SEMA6D: variants seen among roughly 807,000 people sequenced by gnomAD.
SEMA6D encodes the protein semaphorin-6D.
In SEMA6D, 35 loss-of-function variants were observed where a neutral mutation model predicts 106.6. The ratio of observed to expected loss-of-function variants is 0.33; its 90% CI spans 0.25 to 0.44. SEMA6D has a LOEUF of 0.44. Among genes scored for constraint, SEMA6D ranks in the 20% least tolerant of loss-of-function variants. The probability of loss-of-function intolerance (pLI) is 1.00; values close to 1 mark genes in which losing one functional copy is unlikely to be tolerated. For synonymous variants in SEMA6D, 499 were observed against 487.7 expected (o/e 1.02, Z -0.31); for missense variants, 1,185 against 1,345.9 (o/e 0.88, Z 1.87).
intron 2 of SEMA6D, among the ~76,000 whole-genome samples, chr15:47,464,158 A>G (rs977288411): frequency 1.3e-5 from 2 of 152,116 alleles, no homozygotes; most frequent in Admixed American, 6.6e-5. Context: ...CATTCAACCC[A>G]TGTAGTGACC....
In SEMA6D at chr15:47,772,664, T is replaced by G. The variant is rs1377794993; in HGVS notation, c.*879T>G. ...TTCCAGTCTTGCCAGCTTAAGGAGA[T>G]CAAGATATTAAGAGGTATCCTTGAT... On this transcript the variant is annotated 3_prime_UTR_variant, in exon 19 of 19. Coordinates refer to ENST00000536845, the MANE Select transcript of SEMA6D (RefSeq NM_001358351.3). The G allele has an allele frequency of 6.6e-6, 1 of 152,492 alleles. No homozygotes were observed. The highest frequency in any genetic ancestry group is 2.4e-5 in the African/African-American group (1 of 41,384). The allele number at this position is 152,492 out of a possible 1,614,324, so 9.4% of individuals were successfully genotyped here. A position where few individuals can be genotyped will look rare whatever the true frequency, so the allele number is the denominator to read the frequency against.
intron 1 of SEMA6D, among the ~76,000 whole-genome samples, chr15:47,739,290 T>C (rs2080647377): frequency 6.6e-6 from 1 of 152,158 alleles, no homozygotes; most frequent in Admixed American, 6.5e-5. Context: ...CTAGTAGATA[T>C]TATAGCACCA....
intron 1 of SEMA6D, among the ~76,000 whole-genome samples, chr15:47,725,034 A>C (rs1292011247): frequency 2.6e-5 from 4 of 152,210 alleles, no homozygotes; most frequent in Non-Finnish European, 5.9e-5. Flanking sequence ...TTTTTTCTTA[A>C]ACTTGAAAAG....
chr15:47,325,158 C>T (rs1361947569), intron 1 of SEMA6D, among the ~76,000 whole-genome samples: 3 of 100,826 alleles, frequency 3.0e-5, no homozygotes, highest in East Asian at 5.7e-4. Context: ...CAGGGTGAAG[C>T]GTTTTTTTTT....
chr15:47,291,430 G>A (rs141674551), intron 1 of SEMA6D, among the ~76,000 whole-genome samples: 226 of 152,230 alleles, frequency 1.5e-3, no homozygotes, highest in African/African-American at 4.8e-3. Flanking sequence ...CTCCAGCACT[G>A]GACTCTCACC....
At chr15:47,498,537 T>G (rs1384177344) in intron 3 of SEMA6D, among the ~76,000 whole-genome samples, 1 of 152,152 alleles carries the variant, frequency 6.6e-6, no homozygotes, top group Non-Finnish European at 1.5e-5. Flanking sequence ...CCTTCTGGTT[T>G]ATAGATATGT....
chr15:47,727,806 T>C (rs1322735296), intron 1 of SEMA6D, among the ~76,000 whole-genome samples: 2 of 152,342 alleles, frequency 1.3e-5, no homozygotes, highest in African/African-American at 2.4e-5. Context: ...TTTGATTTAA[T>C]GATAAACTGA....
At chr15:47,493,546 C>T (rs56683038) in intron 3 of SEMA6D, among the ~76,000 whole-genome samples, 48,430 of 151,990 alleles carry the variant, frequency 0.32, 7,892 homozygotes, top group Middle Eastern at 0.45. Flanking sequence ...GACGGAGAAT[C>T]AGTCAGTACA....
At chr15:47,328,051 T>A (rs953045394) in intron 1 of SEMA6D, among the ~76,000 whole-genome samples, 2 of 152,216 alleles carry the variant, frequency 1.3e-5, no homozygotes, top group Non-Finnish European at 2.9e-5. Flanking sequence ...AATCCAGATG[T>A]GCTAGCTTTG....
chr15:47,387,164 C>A (rs2039868643), intron 1 of SEMA6D, among the ~76,000 whole-genome samples: 1 of 152,168 alleles, frequency 6.6e-6, no homozygotes, highest in South Asian at 2.1e-4. Flanking sequence ...GAAGAGTAAC[C>A]CAGAAAGGGC....
At chr15:47,684,156 A>G (rs1319871743) in intron 4 of SEMA6D, among the ~76,000 whole-genome samples, 1 of 152,200 alleles carries the variant, frequency 6.6e-6, no homozygotes, top group East Asian at 1.9e-4. Flanking sequence ...AACACTGCCT[A>G]CACTAAAATG....
intron 2 of SEMA6D, chr15:47,412,594 G>A (rs79372522): frequency 0.03 from 4,561 of 152,214 alleles, 121 homozygotes; most frequent in Admixed American, 0.05. Flanking sequence ...ATCTCTGCTC[G>A]CAAAACCATA....
At chr15:47,450,652 T>C (rs1375945540) in intron 2 of SEMA6D, among the ~76,000 whole-genome samples, 1 of 152,092 alleles carries the variant, frequency 6.6e-6, no homozygotes, top group Non-Finnish European at 1.5e-5. Context: ...GTCCCACATA[T>C]TTTGTTTCAA....
intron 1 of SEMA6D, among the ~76,000 whole-genome samples, chr15:47,338,717 A>C (rs1229662822): frequency 6.6e-6 from 1 of 152,154 alleles, no homozygotes; most frequent in African/African-American, 2.4e-5. Context: ...TAGGGGATCC[A>C]TGTTCAAAAA....
intron 4 of SEMA6D, among the ~76,000 whole-genome samples, chr15:47,666,744 T>C (rs2078033681): frequency 6.6e-6 from 1 of 152,210 alleles, no homozygotes; most frequent in South Asian, 2.1e-4. Context: ...ATTCTTTACA[T>C]CTAGGGAATG....
chr15:47,457,574 G>A (rs956615221), intron 2 of SEMA6D, among the ~76,000 whole-genome samples: 18 of 151,886 alleles, frequency 1.2e-4, no homozygotes, highest in Admixed American at 1.2e-3. Context: ...TATGTAGGAA[G>A]AGACTATCCG....
At chr15:47,316,602 GA>G in intron 1 of SEMA6D, among the ~76,000 whole-genome samples, 1 of 90,870 alleles carries the variant, frequency 1.1e-5, no homozygotes, top group South Asian at 4.3e-4. Context: ...CAGGTTTATT[GA>G]GAGGTTTTTT....
chr15:47,205,693 ATATT>A (rs1272250484), intron 1 of SEMA6D, among the ~76,000 whole-genome samples: 5 of 152,218 alleles, frequency 3.3e-5, no homozygotes, highest in African/African-American at 1.2e-4. Context: ...ATGGCATTAT[ATATT>A]CTTTTATGAA....
chr15:47,706,495 T>C (rs1230668491), intron 4 of SEMA6D, among the ~76,000 whole-genome samples: 1 of 152,190 alleles, frequency 6.6e-6, no homozygotes, highest in Non-Finnish European at 1.5e-5. Context: ...GACAAATACT[T>C]ATATCTGTTT....
Sources: allele counts gnomAD v4.1 joint callset (sites outside exome capture counted in the v4.1 genomes callset), GRCh38; gene constraint gnomAD v4.1.1; transcripts MANE v1.5; gene names NCBI Gene and HGNC (gene_info 2026-07-23, HGNC 2026-07-21).